ALDH6A1: variants seen among roughly 807,000 people sequenced by gnomAD.
ALDH6A1 encodes the protein aldehyde dehydrogenase 6 family member A1, also known as methylmalonate-semialdehyde/malonate-semialdehyde dehydrogenase [acylating], mitochondrial.
A neutral mutation model predicts 62.6 loss-of-function variants in ALDH6A1; 43 were observed. That is an observed-to-expected ratio of 0.69 (90% confidence interval 0.54 to 0.89). The LOEUF (loss-of-function observed/expected upper bound fraction) is 0.89, where lower values mean the gene tolerates loss of function less well. Ranked by LOEUF, ALDH6A1 falls within the 40% of genes least tolerant of loss-of-function variation. ALDH6A1 has a pLI of 0.00. For synonymous variants in ALDH6A1, 194 were observed against 234.2 expected (o/e 0.83, Z 1.57); for missense variants, 551 against 661.3 (o/e 0.83, Z 1.83).
intron 1 of ALDH6A1, among the ~76,000 whole-genome samples, chr14:74,077,492 T>C (rs951844625): frequency 1.3e-5 from 2 of 152,194 alleles, no homozygotes; most frequent in African/African-American, 2.4e-5. Flanking sequence ...TTCTGTCCTG[T>C]GTCATAATAT....
At position 74,084,408 on chromosome 14, in the gene ALDH6A1, C is replaced by A. The variant is rs768384696; in HGVS notation, c.-14G>T. 12 of 1,612,578 alleles carry A rather than the reference C, an allele frequency of 7.4e-6. No homozygotes were observed. The African/African-American group carries it at 1.2e-4, about 16-fold the overall frequency. On this transcript the variant is annotated 5_prime_UTR_variant, in exon 1 of 12. Coordinates refer to ENST00000553458, the MANE Select transcript of ALDH6A1 (RefSeq NM_005589.4). ...TAGCGCCGCCATGGCTCTCGGCCGC[C>A]CTAGCTCCGCACCCCGCGCCTCTAC... is the stretch of plus-strand genomic sequence containing the variant.
intron 1 of ALDH6A1, among the ~76,000 whole-genome samples, chr14:74,080,096 A>G (rs1158186593): frequency 6.6e-6 from 1 of 152,176 alleles, no homozygotes; most frequent in Non-Finnish European, 1.5e-5. Context: ...TCCTTTTGCC[A>G]GTTTGCTATG....
intron 11 of ALDH6A1, chr14:74,064,608 T>G: frequency 1.4e-6 from 2 of 1,391,462 alleles, no homozygotes; most frequent in Non-Finnish European, 2.0e-6. Flanking sequence ...CCATGCTCTT[T>G]CCTCAAAACT....
chr14:74,080,045 C>CA (rs2060655709), intron 1 of ALDH6A1, among the ~76,000 whole-genome samples: 40 of 145,898 alleles, frequency 2.7e-4, no homozygotes, highest in Admixed American at 2.1e-3. Flanking sequence ...CTTAAAAAAA[C>CA]AAAAACCAAA....
chr14:74,081,267 G>C (rs1261008430), intron 1 of ALDH6A1: 4 of 152,136 alleles, frequency 2.6e-5, no homozygotes, highest in Admixed American at 6.6e-5. Flanking sequence ...CACAATTCCT[G>C]GAAGAGAGTA....
In ALDH6A1 at chr14:74,058,608, T is replaced by TTA. The variant is rs2060271918; in HGVS notation, c.*2033_*2034insTA. On this transcript the variant is annotated 3_prime_UTR_variant, in exon 12 of 12. Transcript: ENST00000553458. ...ACATTTTCAAGGTCTTTTTTTTTTTTATCATACTTAATTCATGAATAACCC... is the reference window on the plus strand; with the variant it reads ...ACATTTTCAAGGTCTTTTTTTTTTTTTAATCATACTTAATTCATGAATAACCC... 1 of 151,776 alleles carries TTA rather than the reference T, an allele frequency of 6.6e-6. No homozygotes were observed. Among genetic ancestry groups the TTA allele is most frequent in the East Asian group, 1.9e-4 (1 of 5,192 alleles). 9.4% of individuals were successfully genotyped at this position (151,776 alleles called of 1,614,324 possible). A position where few individuals can be genotyped will look rare whatever the true frequency, so the allele number is the denominator to read the frequency against.
chr14:74,060,745 C>T lies in ALDH6A1; in HGVS notation c.1505G>A (p.Gly502Asp), dbSNP rs763612390. 6.2e-7 allele frequency: 1 copy of T among 1,606,322 alleles called. No individual in the cohort carries two copies. The highest frequency in any genetic ancestry group is 2.2e-5 in the East Asian group (1 of 44,832). ...RGDTNFYGKQGIQFYTQLKTI... is the reference protein window; with the variant it reads ...RGDTNFYGKQDIQFYTQLKTI... ...CTTTAACTGAGTGTAGAATTGGATG[C>T]CCTAAGGAAAACAGAAAAAAAGTTA... The change falls in exon 12 of 12, where the codon GGC becomes GAC. Residue 502 changes from glycine (G) to aspartate (D), a missense_variant and splice_region_variant. Coordinates refer to ENST00000553458, the MANE Select transcript of ALDH6A1 (RefSeq NM_005589.4).
At chr14:74,069,101 C>CTTTTTTTTTTTTTTTT (rs900873855) in intron 6 of ALDH6A1, 120 bp from the exon 7 acceptor site, 2 of 383,114 alleles carry the variant, frequency 5.2e-6, no homozygotes, top group African/African-American at 3.2e-5. Flanking sequence ...TTTACTTTTT[C>CTTTTTTTTTTTTTTTT]TTTTTTTTTT....
At chr14:74,066,222 C>T (rs150129072) in intron 9 of ALDH6A1, 1 of 188,650 alleles carries the variant, frequency 5.3e-6, no homozygotes, top group Non-Finnish European at 1.1e-5. Context: ...GATAAGATAG[C>T]GTTTGGCAAA....
chr14:74,071,538 T>A lies in ALDH6A1; in HGVS notation c.428-41A>T, dbSNP rs530294210. ...CAGGCCATCAGCTCTCCACACTGTGTACTAGTTAGCTTTGTCCTGTTCTCT... is the reference window on the plus strand; with the variant it reads ...CAGGCCATCAGCTCTCCACACTGTGAACTAGTTAGCTTTGTCCTGTTCTCT... On this transcript the variant is annotated intron_variant, in intron 5 of 11. Transcript: ENST00000553458. The A allele has an allele frequency of 1.6e-5, 25 of 1,612,570 alleles. 1 individual carries two copies. The African/African-American group carries it at 1.6e-4, about 10-fold the overall frequency.
chr14:74,076,280 A>G (rs576005222), intron 1 of ALDH6A1, among the ~76,000 whole-genome samples: 5 of 152,216 alleles, frequency 3.3e-5, no homozygotes, highest in Non-Finnish European at 5.9e-5. Context: ...TATTTGATGG[A>G]GTAAAATCAG....
At chr14:74,074,814 A>C (rs2060594476) in intron 2 of ALDH6A1, 141 bp downstream of exon 2, 4 of 836,688 alleles carry the variant, frequency 4.8e-6, no homozygotes, top group Non-Finnish European at 7.8e-6. Context: ...AATCCATTTC[A>C]GGAGGGAAAT....
intron 11 of ALDH6A1, 129 bp from the exon 12 acceptor site, chr14:74,060,875 AT>A: frequency 1.4e-6 from 1 of 705,662 alleles, no homozygotes; most frequent in South Asian, 1.6e-5. Flanking sequence ...TCAGAATCCA[AT>A]ATATATTGTT....
chr14:74,084,258 A>C, intron 1 of ALDH6A1, 89 bp downstream of exon 1: 1 of 1,592,938 alleles, frequency 6.3e-7, no homozygotes, highest in Non-Finnish European at 8.6e-7. Context: ...TTGGGCCAAG[A>C]AGGTGGTCCC....
chr14:74,078,194 A>T (rs764195000), intron 1 of ALDH6A1: 7 of 455,960 alleles, frequency 1.5e-5, no homozygotes, highest in South Asian at 9.3e-5. Flanking sequence ...TTCTTACTTC[A>T]GAGCACACAG....
At chr14:74,068,188 C>G (rs932748812) in intron 7 of ALDH6A1, among the ~76,000 whole-genome samples, 2 of 150,458 alleles carry the variant, frequency 1.3e-5, no homozygotes, top group African/African-American at 4.9e-5. Flanking sequence ...AGTTCAAGAC[C>G]AGCTTGGCCA....
chr14:74,075,690 T>C (rs1435488565), intron 1 of ALDH6A1, among the ~76,000 whole-genome samples: 1 of 151,898 alleles, frequency 6.6e-6, no homozygotes, highest in Non-Finnish European at 1.5e-5. Context: ...TAAATATAAG[T>C]AATAGAGTAT....
intron 6 of ALDH6A1, among the ~76,000 whole-genome samples, chr14:74,070,261 G>A (rs2060530318): frequency 6.6e-6 from 1 of 151,878 alleles, no homozygotes; most frequent in Non-Finnish European, 1.5e-5. Flanking sequence ...GCTCACACCT[G>A]TAATCCCAGC....
chr14:74,065,500 C>A, intron 9 of ALDH6A1, 140 bp from the exon 10 acceptor site: 1 of 827,118 alleles, frequency 1.2e-6, no homozygotes, highest in African/African-American at 1.7e-5. Flanking sequence ...TTCAAATCAC[C>A]TATTTAAAAA....
Sources: allele counts gnomAD v4.1 joint callset (sites outside exome capture counted in the v4.1 genomes callset), GRCh38; gene constraint gnomAD v4.1.1; transcripts MANE v1.5; gene names NCBI Gene and HGNC (gene_info 2026-07-23, HGNC 2026-07-21).